The following TMEM135 variants were observed in gnomAD, a reference collection of about 807,000 sequenced individuals.
The protein encoded by TMEM135 is peroxisomal membrane protein 52.
A neutral mutation model predicts 60.3 loss-of-function variants in TMEM135; 30 were observed. The ratio of observed to expected loss-of-function variants is 0.50; its 90% CI spans 0.37 to 0.68. TMEM135 has a LOEUF of 0.68. Among genes scored for constraint, TMEM135 ranks in the 30% least tolerant of loss-of-function variants. The probability of loss-of-function intolerance (pLI) is 0.00; values close to 1 mark genes in which losing one functional copy is unlikely to be tolerated. For synonymous variants in TMEM135, 190 were observed against 186.7 expected (o/e 1.02, Z -0.14); for missense variants, 468 against 548.8 (o/e 0.85, Z 1.47).
At chr11:87,189,130 T>TTTTCCTTTCCCTTTCCC (rs1256905467) in intron 5 of TMEM135, among the ~76,000 whole-genome samples, 39 of 136,556 alleles carry the variant, frequency 2.9e-4, no homozygotes, top group Non-Finnish European at 4.2e-4. Context: ...TCCCTTTCCC[T>TTTTCCTTTCCCTTTCCC]TTTCCTTTCC....
intron 9 of TMEM135, 23 bp from the exon 10 acceptor site, chr11:87,309,482 G>A (rs552777501): frequency 1.9e-5 from 31 of 1,612,980 alleles, no homozygotes; most frequent in Non-Finnish European, 1.4e-5. Flanking sequence ...TGTAAATCAG[G>A]TTTTTCTCCA....
intron 5 of TMEM135, among the ~76,000 whole-genome samples, chr11:87,158,992 T>G (rs1938786986): frequency 6.6e-6 from 1 of 152,202 alleles, no homozygotes; most frequent in Non-Finnish European, 1.5e-5. Context: ...GAACTTATCT[T>G]CTTTTATAGG....
At chr11:87,065,991 T>G (rs1334297776) in intron 1 of TMEM135, among the ~76,000 whole-genome samples, 2 of 152,240 alleles carry the variant, frequency 1.3e-5, no homozygotes, top group African/African-American at 2.4e-5. Flanking sequence ...TGGGTCTTAT[T>G]CATCATTGTT....
chr11:87,057,433 A>C (rs1011622273), intron 1 of TMEM135, among the ~76,000 whole-genome samples: 1 of 152,236 alleles, frequency 6.6e-6, no homozygotes, highest in Admixed American at 6.5e-5. Flanking sequence ...TTTTGTTTTT[A>C]ATAAGCTGAT....
chr11:87,239,390 T>C (rs1428769966), intron 6 of TMEM135, among the ~76,000 whole-genome samples: 1 of 152,060 alleles, frequency 6.6e-6, no homozygotes, highest in Admixed American at 6.6e-5. Flanking sequence ...AACAAAACAA[T>C]ATTAGATTTG....
chr11:87,223,463 G>A (rs554503201), intron 5 of TMEM135, among the ~76,000 whole-genome samples: 2 of 152,068 alleles, frequency 1.3e-5, no homozygotes, highest in East Asian at 1.9e-4. Flanking sequence ...AGCCACCGTG[G>A]CCCGGCCTGA....
chr11:87,098,888 C>T (rs149527004), intron 4 of TMEM135, among the ~76,000 whole-genome samples: 2 of 152,050 alleles, frequency 1.3e-5, no homozygotes, highest in Non-Finnish European at 2.9e-5. Flanking sequence ...TGGGGTTTCA[C>T]CATGTCAGCC....
chr11:87,166,549 TA>T (rs1939053929), intron 5 of TMEM135, among the ~76,000 whole-genome samples: 1 of 151,802 alleles, frequency 6.6e-6, no homozygotes, highest in African/African-American at 2.4e-5. Context: ...CAACACCATT[TA>T]TTAAATAGGG....
chr11:87,258,831 A>C, intron 6 of TMEM135: 2 of 702,426 alleles, frequency 2.8e-6, no homozygotes, highest in Non-Finnish European at 5.1e-6. Context: ...GAGACAGCTC[A>C]TATACGGCAG....
Position 87,122,365 on chromosome 11 carries a change from TA to T in TMEM135, c.396+30974del, listed in dbSNP as rs1351722138. Among the ~76,000 whole-genome samples, 3 of 146,008 alleles carry T rather than the reference TA, an allele frequency of 2.1e-5. No individual in the cohort carries two copies. In the East Asian group the frequency reaches 6.2e-4, roughly 30 times the overall value. ...ATTTATTTTAAAACTTTAAATATTT[TA>T]AAACTTTAAATTTGTCATCATAAAA... On this transcript the variant is annotated intron_variant, in intron 4 of 14. Transcript: ENST00000305494.
rs1325567091 is a variant in TMEM135 at position 87,325,386 on chromosome 11, AATGTGTGCT to A, written c.*4056_*4064del. On this transcript the variant is annotated 3_prime_UTR_variant, in exon 15 of 15. Coordinates refer to ENST00000305494, the MANE Select transcript of TMEM135 (RefSeq NM_022918.4). ...TAAGCTTACAGCTGTGGTGAATAAG[AATGTGTGCT>A]ATTTTACACACAGAAGAAAATGATT... 6.6e-6 allele frequency: 3 copies of A among 453,968 alleles called. No homozygotes were observed. Among genetic ancestry groups the A allele is most frequent in the Middle Eastern group, 6.8e-4 (1 of 1,466 alleles). The allele number at this position is 453,968 out of a possible 1,614,324, so 28.1% of individuals were successfully genotyped here.
intron 5 of TMEM135, among the ~76,000 whole-genome samples, chr11:87,216,963 A>C (rs1940516111): frequency 6.6e-6 from 1 of 152,236 alleles, no homozygotes; most frequent in African/African-American, 2.4e-5. Context: ...ATAGCATAAT[A>C]AAAAGGCTCT....
intron 6 of TMEM135, among the ~76,000 whole-genome samples, chr11:87,269,570 C>T (rs1941824333): frequency 6.6e-6 from 1 of 151,498 alleles, no homozygotes; most frequent in South Asian, 2.1e-4. Flanking sequence ...TGTTCAATTC[C>T]CACCTATGAG....
intron 13 of TMEM135, 38 bp downstream of exon 13, chr11:87,318,273 C>T (rs753984987): frequency 1.4e-6 from 2 of 1,385,356 alleles, no homozygotes; most frequent in Non-Finnish European, 2.0e-6. Flanking sequence ...TTGAATGATT[C>T]CTGTTTCTAA....
At chr11:87,232,667 CA>C (rs1348757570) in intron 5 of TMEM135, among the ~76,000 whole-genome samples, 1 of 152,104 alleles carries the variant, frequency 6.6e-6, no homozygotes, top group African/African-American at 2.4e-5. Context: ...TCTGTACATA[CA>C]TGCACTATGG....
intron 6 of TMEM135, among the ~76,000 whole-genome samples, chr11:87,258,205 T>A (rs897119983): frequency 7.0e-6 from 1 of 143,370 alleles, no homozygotes; most frequent in East Asian, 2.0e-4. Flanking sequence ...TTTTTTTTTT[T>A]CAGTTGGAAT....
At chr11:87,102,262 T>C (rs1857474279) in intron 4 of TMEM135, among the ~76,000 whole-genome samples, 1 of 152,206 alleles carries the variant, frequency 6.6e-6, no homozygotes, top group Non-Finnish European at 1.5e-5. Flanking sequence ...GAGTTCCCAC[T>C]ACCCCCTCTT....
At chr11:87,239,454 G>A (rs1045428328) in intron 6 of TMEM135, among the ~76,000 whole-genome samples, 7 of 137,970 alleles carry the variant, frequency 5.1e-5, no homozygotes, top group African/African-American at 1.9e-4. Flanking sequence ...CATAACACTT[G>A]GCAGGTCCAA....
chr11:87,245,138 A>G (rs894227268), intron 6 of TMEM135, among the ~76,000 whole-genome samples: 2 of 144,190 alleles, frequency 1.4e-5, no homozygotes, highest in African/African-American at 5.2e-5. Context: ...CAGGTTGTTC[A>G]GTTTCCATGT....
Sources: allele counts gnomAD v4.1 joint callset (sites outside exome capture counted in the v4.1 genomes callset), GRCh38; gene constraint gnomAD v4.1.1; transcripts MANE v1.5; gene names NCBI Gene and HGNC (gene_info 2026-07-23, HGNC 2026-07-21).